Variants in SSH2 observed in about 807,000 individuals in gnomAD.
SSH2 encodes the protein slingshot protein phosphatase 2.
SSH2 carries 37 observed loss-of-function variants against 135.2 expected under a neutral mutation model. That is an observed-to-expected ratio of 0.27 (90% CI 0.21 to 0.36). SSH2 has a LOEUF of 0.36. Ranked by LOEUF, SSH2 falls within the 10% of genes least tolerant of loss-of-function variation. The probability of loss-of-function intolerance (pLI) is 1.00; values close to 1 mark genes in which losing one functional copy is unlikely to be tolerated. For missense variants in SSH2, 1,408 were observed against 1,765.3 expected, an observed-to-expected ratio of 0.80 and a Z score of 3.63; for synonymous variants, 628 against 646.2, an observed-to-expected ratio of 0.97 and a Z score of 0.43.
chr17:29,903,438 G>C (rs565751124), intron 1 of SSH2, among the ~76,000 whole-genome samples: 4 of 147,678 alleles, frequency 2.7e-5, no homozygotes, highest in African/African-American at 1.0e-4. Flanking sequence ...TGGAAACTGT[G>C]TTTAAGCCAG....
At chr17:29,655,507 T>A (rs2036745882) in intron 12 of SSH2, 54 bp downstream of exon 12, 2 of 1,535,314 alleles carry the variant, frequency 1.3e-6, no homozygotes, top group Admixed American at 3.3e-5. Flanking sequence ...AAAATGAAGA[T>A]AAAACAGGGA....
At chr17:29,697,639 T>G (rs2038810745) in intron 4 of SSH2, among the ~76,000 whole-genome samples, 1 of 151,996 alleles carries the variant, frequency 6.6e-6, no homozygotes, top group Non-Finnish European at 1.5e-5. Flanking sequence ...GACCTTATAT[T>G]TAAATATAAA....
At chr17:29,894,362 G>A (rs907860612) in intron 1 of SSH2, among the ~76,000 whole-genome samples, 3 of 151,606 alleles carry the variant, frequency 2.0e-5, no homozygotes, top group African/African-American at 7.3e-5. Flanking sequence ...GTCATCTCTT[G>A]GTATCCACAG....
chr17:29,803,317 TG>T (rs2042283962), intron 2 of SSH2, among the ~76,000 whole-genome samples: 1 of 152,224 alleles, frequency 6.6e-6, no homozygotes. Flanking sequence ...GCATATGAGC[TG>T]GTATGGAGGA....
At chr17:29,647,344 C>T (rs1598714817) in intron 14 of SSH2, among the ~76,000 whole-genome samples, 1 of 150,932 alleles carries the variant, frequency 6.6e-6, no homozygotes, top group African/African-American at 2.4e-5. Flanking sequence ...AGAGTGAGAC[C>T]CTGTCTCAAA....
intron 1 of SSH2, among the ~76,000 whole-genome samples, chr17:29,915,765 T>A (rs1226685855): frequency 4.6e-5 from 7 of 151,918 alleles, no homozygotes; most frequent in Non-Finnish European, 1.0e-4. Flanking sequence ...AAAACAAAGA[T>A]TCTCTAATTA....
chr17:29,859,761 C>A (rs1348365893), intron 1 of SSH2, among the ~76,000 whole-genome samples: 1 of 152,186 alleles, frequency 6.6e-6, no homozygotes, highest in African/African-American at 2.4e-5. Context: ...CATACACATG[C>A]ATGTGTCATT....
chr17:29,889,802 CAAA>C (rs534822390), intron 1 of SSH2, among the ~76,000 whole-genome samples: 1 of 49,496 alleles, frequency 2.0e-5, no homozygotes, highest in African/African-American at 7.5e-5. Context: ...CCATCTCTAC[CAAA>C]AAAAAAAAAA....
chr17:29,756,008 G>A (rs1328630855), intron 3 of SSH2, among the ~76,000 whole-genome samples: 1 of 148,042 alleles, frequency 6.8e-6, no homozygotes, highest in Non-Finnish European at 1.5e-5. Context: ...GCTCATGCCT[G>A]TAATCCCAGC....
intron 1 of SSH2, among the ~76,000 whole-genome samples, chr17:29,891,432 TA>T (rs896289416): frequency 9.2e-5 from 14 of 151,794 alleles, no homozygotes; most frequent in African/African-American, 2.2e-4. Context: ...CACTTCTAAA[TA>T]AATTTTTTTT....
intron 1 of SSH2, among the ~76,000 whole-genome samples, chr17:29,924,737 T>C (rs1016719772): frequency 5.3e-5 from 8 of 152,162 alleles, no homozygotes; most frequent in African/African-American, 1.9e-4. Flanking sequence ...TCCATTATTA[T>C]GTTGCTTTTG....
At chr17:29,675,102 AG>A (rs956147666) in intron 8 of SSH2, among the ~76,000 whole-genome samples, 2 of 152,218 alleles carry the variant, frequency 1.3e-5, no homozygotes, top group African/African-American at 4.8e-5. Context: ...CCTTAGTCAA[AG>A]GGGGTCATAA....
At chr17:29,801,639 G>C (rs2250320) in intron 2 of SSH2, among the ~76,000 whole-genome samples, 67,435 of 151,988 alleles carry the variant, frequency 0.44, 15,320 homozygotes, top group Non-Finnish European at 0.49. Flanking sequence ...TACCAGTTCT[G>C]TTTCTGGGTT....
At chr17:29,761,049 CTCGCTTGAT>C (rs1281072132) in intron 3 of SSH2, 1 of 1,215,628 alleles carries the variant, frequency 8.2e-7, no homozygotes, top group Non-Finnish European at 1.1e-6. Context: ...CGCGCTCGCC[CTCGCTTGAT>C]TGTTTGCTCC....
At chr17:29,801,437 C>T (rs150085996) in intron 2 of SSH2, among the ~76,000 whole-genome samples, 51 of 152,248 alleles carry the variant, frequency 3.3e-4, no homozygotes, top group African/African-American at 8.9e-4. Flanking sequence ...ATTCTCCAAA[C>T]GTACCTATTG....
intron 14 of SSH2, chr17:29,644,931 C>T (rs1030244211): frequency 6.6e-6 from 1 of 152,114 alleles, no homozygotes; most frequent in African/African-American, 2.4e-5. Context: ...TAAGTGACAT[C>T]CCTAGCACTA....
chr17:29,870,976 T>C (rs956943367), intron 1 of SSH2, among the ~76,000 whole-genome samples: 11 of 152,210 alleles, frequency 7.2e-5, no homozygotes. Flanking sequence ...CTCTTCTATA[T>C]ATGACAACAT....
chr17:29,635,837 A>T, intron 15 of SSH2, 131 bp downstream of exon 15: 1 of 783,662 alleles, frequency 1.3e-6, no homozygotes, highest in Non-Finnish European at 2.1e-6. Flanking sequence ...TATTTAAAAA[A>T]TATTTAAACC....
chr17:29,913,348 ATAT>A (rs1210994985), intron 1 of SSH2, among the ~76,000 whole-genome samples: 51 of 13,688 alleles, frequency 3.7e-3, no homozygotes, highest in South Asian at 5.9e-3. Flanking sequence ...AAAAAAAAAA[ATAT>A]ATATATATAT....
Sources: allele counts gnomAD v4.1 joint callset (sites outside exome capture counted in the v4.1 genomes callset), GRCh38; gene constraint gnomAD v4.1.1; transcripts MANE v1.5; gene names NCBI Gene and HGNC (gene_info 2026-07-23, HGNC 2026-07-21).